GPR83: variants seen among roughly 807,000 people sequenced by gnomAD.
GPR83 encodes the protein G protein-coupled receptor 83.
GPR83 carries 23 observed loss-of-function variants against 28.0 expected under a neutral mutation model. The ratio of observed to expected loss-of-function variants is 0.82; its 90% confidence interval spans 0.59 to 1.16. The LOEUF (loss-of-function observed/expected upper bound fraction) is 1.16, where lower values mean the gene tolerates loss of function less well. Ranked by LOEUF, GPR83 falls within the 50% of genes most tolerant of loss-of-function variation. The pLI, the probability that GPR83 is intolerant of heterozygous loss-of-function variation, is 0.00. For synonymous variants in GPR83, 234 were observed against 215.4 expected, an observed-to-expected ratio of 1.09 and a Z score of -0.76; for missense variants, 610 against 536.6, an observed-to-expected ratio of 1.14 and a Z score of -1.35.
rs1237691856 is a variant in GPR83, at chr11:94,380,093, T to G, written c.*56A>C. ...GAAGATCATGTGTGAGAATAGGCTC[T>G]CTTTCCCTGCCTCAGGTGGAGACAG... On this transcript the variant is annotated 3_prime_UTR_variant, in exon 4 of 4. Transcript: ENST00000243673. 1 of 1,390,532 alleles carries G rather than the reference T, an allele frequency of 7.2e-7. No individual in the cohort carries two copies. The highest frequency in any genetic ancestry group is 1.4e-5 in the African/African-American group (1 of 69,772). The allele number at this position is 1,390,532 out of a possible 1,614,324, so 86.1% of individuals were successfully genotyped here. A position where few individuals can be genotyped will look rare whatever the true frequency, so the allele number is the denominator to read the frequency against.
chr11:94,394,863 A>T (rs1944851427), intron 2 of GPR83, among the ~76,000 whole-genome samples: 1 of 152,162 alleles, frequency 6.6e-6, no homozygotes, highest in Non-Finnish European at 1.5e-5. Context: ...AACATGGTCA[A>T]CATGAGCAAG....
intron 3 of GPR83, among the ~76,000 whole-genome samples, chr11:94,387,463 C>G (rs962206746): frequency 3.9e-5 from 6 of 152,076 alleles, no homozygotes; most frequent in African/African-American, 1.4e-4. Flanking sequence ...AGAGAAGAAT[C>G]AAATAGATGC....
In GPR83 at chr11:94,380,468, T is replaced by C. The variant is rs547422850; in HGVS notation, c.953A>G (p.Lys318Arg). ...LNCYVLLLSS[K>R]VIRTNNALYF... ...GAGGGCATTGTTGGTGCGGATGACC[T>C]TGCTGGACAGGAGGAGGACGTAGCA... Residue 318 changes from lysine (K) to arginine (R), a missense_variant, in exon 4 of 4, where the codon AAG becomes AGG. Lys to Arg is a conservative substitution (Grantham distance 26, BLOSUM62 2). Coordinates refer to ENST00000243673, the MANE Select transcript of GPR83 (RefSeq NM_016540.4). 8.1e-6 allele frequency: 13 copies of C among 1,614,152 alleles called. No individual in the cohort carries two copies. In the South Asian group the frequency reaches 1.2e-4, roughly 15 times the overall value.
intron 3 of GPR83, among the ~76,000 whole-genome samples, chr11:94,391,341 T>G (rs1167508132): frequency 2.0e-5 from 3 of 152,144 alleles, no homozygotes; most frequent in African/African-American, 7.2e-5. Context: ...GATCAAAGAC[T>G]TAAACTAAGA....
chr11:94,391,055 G>A (rs560752275), intron 3 of GPR83, among the ~76,000 whole-genome samples: 3 of 152,084 alleles, frequency 2.0e-5, no homozygotes, highest in Non-Finnish European at 4.4e-5. Flanking sequence ...GAGGCATCAC[G>A]CTACCTGACT....
At chr11:94,390,020 G>T (rs959718189) in intron 3 of GPR83, among the ~76,000 whole-genome samples, 5 of 152,142 alleles carry the variant, frequency 3.3e-5, no homozygotes, top group Non-Finnish European at 5.9e-5. Context: ...GTCCTTTGTG[G>T]GGACATGGAT....
intron 1 of GPR83, among the ~76,000 whole-genome samples, chr11:94,399,236 C>G (rs981496159): frequency 5.9e-5 from 9 of 152,166 alleles, no homozygotes; most frequent in African/African-American, 1.7e-4. Context: ...CTTTGAGACA[C>G]CCAGGGAGGA....
At position 94,393,589 on chromosome 11, in the gene GPR83, G is replaced by C. The variant is rs375569079; in HGVS notation, c.543C>G (p.Ile181Met). 19 of 1,613,838 alleles carry C rather than the reference G, an allele frequency of 1.2e-5. No homozygotes were observed. The highest frequency in any genetic ancestry group is 3.3e-5 in the Admixed American group (2 of 60,010). ...TGTAGATGACACCCTTTGTGATTGAGATCCGGGGTTTCAAGGGGTGCATGA... is the reference window on the plus strand; with the variant it reads ...TGTAGATGACACCCTTTGTGATTGACATCCGGGGTTTCAAGGGGTGCATGA... ...QVIMHPLKPR[I>M]SITKGVIYIA... Residue 181 changes from isoleucine to methionine, a missense_variant, in exon 3 of 4, where the codon ATC becomes ATG. By Grantham distance (10) the Ile-to-Met change is conservative. Transcript: ENST00000243673.
chr11:94,390,493 A>T (rs1944806905), intron 3 of GPR83, among the ~76,000 whole-genome samples: 1 of 152,142 alleles, frequency 6.6e-6, no homozygotes, highest in Non-Finnish European at 1.5e-5. Context: ...CAGGAGAAAG[A>T]AAGAAAGGAT....
chr11:94,387,171 TA>T (rs1386387009), intron 3 of GPR83, among the ~76,000 whole-genome samples: 1 of 152,172 alleles, frequency 6.6e-6, no homozygotes, highest in African/African-American at 2.4e-5. Context: ...GGGACACATT[TA>T]AAACAGTGTG....
intron 3 of GPR83, among the ~76,000 whole-genome samples, chr11:94,387,947 C>A (rs143703318): frequency 0.016 from 2,372 of 152,290 alleles, 23 homozygotes; most frequent in Middle Eastern, 0.034. Flanking sequence ...CAAACCGAAT[C>A]CAGCAACACA....
chr11:94,390,849 C>T (rs1374429278), intron 3 of GPR83, among the ~76,000 whole-genome samples: 4 of 152,142 alleles, frequency 2.6e-5, no homozygotes, highest in Admixed American at 6.5e-5. Flanking sequence ...GAAAAACATT[C>T]CATGCTCATG....
intron 3 of GPR83, among the ~76,000 whole-genome samples, chr11:94,386,427 C>T (rs1565185434): frequency 6.6e-6 from 1 of 152,146 alleles, no homozygotes; most frequent in Non-Finnish European, 1.5e-5. Flanking sequence ...AGTCAAGTCC[C>T]ATCAGTGTGC....
intron 3 of GPR83, among the ~76,000 whole-genome samples, chr11:94,392,615 A>C (rs1944827768): frequency 6.6e-6 from 1 of 152,124 alleles, no homozygotes; most frequent in African/African-American, 2.4e-5. Context: ...ACCTGAGATC[A>C]GAAGTTCGAT....
intron 3 of GPR83, among the ~76,000 whole-genome samples, chr11:94,384,964 C>T (rs1308460657): frequency 3.9e-5 from 6 of 152,208 alleles, no homozygotes; most frequent in Non-Finnish European, 8.8e-5. Context: ...GGCAGACTGA[C>T]ATCTCACATG....
rs1234084993 is a variant in GPR83, at chr11:94,396,457, T to C, written c.455A>G (p.Tyr152Cys). The C allele has an allele frequency of 6.2e-7, 1 of 1,613,932 alleles. No individual in the cohort carries two copies. The highest frequency in any genetic ancestry group is 1.3e-5 in the African/African-American group (1 of 74,894). ...CAGTGCTGAGACGTGCAGTGAGCAGTACTGGGCAAAGCGGCTGACATGGCA... is the reference window on the plus strand; with the variant it reads ...CAGTGCTGAGACGTGCAGTGAGCAGCACTGGGCAAAGCGGCTGACATGGCA... ...GMCHVSRFAQ[Y>C]CSLHVSALTL... The change falls in exon 2 of 4, where the codon TAC becomes TGC. Residue 152 changes from tyrosine (Y) to cysteine (C), a missense_variant. Coordinates refer to ENST00000243673, the MANE Select transcript of GPR83 (RefSeq NM_016540.4).
chr11:94,381,528 T>A (rs2096763), intron 3 of GPR83, among the ~76,000 whole-genome samples: 1 of 150,920 alleles, frequency 6.6e-6, no homozygotes, highest in Non-Finnish European at 1.5e-5. Context: ...CCTGTTTCTC[T>A]TGACCCTGCT....
chr11:94,387,130 G>C (rs1048783826), intron 3 of GPR83, among the ~76,000 whole-genome samples: 1 of 152,188 alleles, frequency 6.6e-6, no homozygotes, highest in South Asian at 2.1e-4. Context: ...TGAAACCAAA[G>C]AGAACAAAGA....
At position 94,380,280 on chromosome 11, in the gene GPR83, A is replaced by G. The variant is rs1242689435; in HGVS notation, c.1141T>C (p.Phe381Leu). Residue 381 changes from phenylalanine (F) to leucine (L), a missense_variant, in exon 4 of 4, where the codon TTC becomes CTC. By Grantham distance (22) the Phe-to-Leu change is conservative. Coordinates refer to ENST00000243673, the MANE Select transcript of GPR83 (RefSeq NM_016540.4). ...TTCTTCTCTGTCCAGGCCACCCTGA[A>G]GGAAGGAACTGGGGAGGGTGGCCTG... ...EDRPPSPVPSFRVAWTEKNDG... is the reference protein window; with the variant it reads ...EDRPPSPVPSLRVAWTEKNDG... 1 of 1,583,732 alleles carries G rather than the reference A, an allele frequency of 6.3e-7. No homozygotes were observed. The highest frequency in any genetic ancestry group is 8.6e-7 in the Non-Finnish European group (1 of 1,163,968).
Sources: allele counts gnomAD v4.1 joint callset (sites outside exome capture counted in the v4.1 genomes callset), GRCh38; gene constraint gnomAD v4.1.1; transcripts MANE v1.5; gene names NCBI Gene and HGNC (gene_info 2026-07-23, HGNC 2026-07-21).